The following CTNND2 variants were observed in gnomAD, a reference collection of about 807,000 sequenced individuals.
CTNND2 encodes catenin delta-2.
CTNND2 carries 22 observed loss-of-function variants against 144.4 expected under a neutral mutation model. The ratio of observed to expected loss-of-function variants is 0.15; its 90% CI spans 0.11 to 0.22. CTNND2 has a LOEUF of 0.22. Among genes scored for constraint, CTNND2 ranks in the 10% least tolerant of loss-of-function variants. CTNND2 has a pLI of 1.00. For synonymous variants in CTNND2, 751 were observed against 695.6 expected (o/e 1.08, Z -1.25); for missense variants, 1,353 against 1,618.8 (o/e 0.84, Z 2.82).
intron 9 of CTNND2, among the ~76,000 whole-genome samples, chr5:11,327,060 C>G (rs543112636): frequency 2.6e-5 from 4 of 152,196 alleles, no homozygotes; most frequent in Non-Finnish European, 5.9e-5. Context: ...GACAACCACA[C>G]AGCATGAAGT....
intron 9 of CTNND2, among the ~76,000 whole-genome samples, chr5:11,266,420 C>T (rs933080297): frequency 6.6e-6 from 1 of 152,166 alleles, no homozygotes; most frequent in African/African-American, 2.4e-5. Flanking sequence ...AGTGTCACCA[C>T]ATTTAACTCT....
intron 20 of CTNND2, among the ~76,000 whole-genome samples, chr5:10,985,775 A>T (rs1737860182): frequency 6.6e-6 from 1 of 152,204 alleles, no homozygotes; most frequent in Admixed American, 6.5e-5. Flanking sequence ...AATGATGGGC[A>T]TTTGCTAACA....
At chr5:11,513,121 G>A (rs577518809) in intron 3 of CTNND2, among the ~76,000 whole-genome samples, 2 of 152,290 alleles carry the variant, frequency 1.3e-5, no homozygotes, top group Admixed American at 1.3e-4. Context: ...GCACCCAGGA[G>A]TGGGTACAGG....
intron 11 of CTNND2, among the ~76,000 whole-genome samples, chr5:11,186,420 G>A (rs1173789786): frequency 6.6e-6 from 1 of 152,202 alleles, no homozygotes; most frequent in Non-Finnish European, 1.5e-5. Flanking sequence ...TCTATATCCA[G>A]TGGAAGCGAT....
At chr5:11,608,467 G>C (rs2727601) in intron 2 of CTNND2, among the ~76,000 whole-genome samples, 14,973 of 152,014 alleles carry the variant, frequency 0.098, 1,665 homozygotes, top group African/African-American at 0.28. Context: ...CTCCCAGGTG[G>C]CCTTATCTTT....
At chr5:11,897,582 G>A (rs1431559537) in intron 1 of CTNND2, among the ~76,000 whole-genome samples, 2 of 152,080 alleles carry the variant, frequency 1.3e-5, no homozygotes, top group South Asian at 2.1e-4. Flanking sequence ...CTTACAAAGC[G>A]ATCCAATTAT....
intron 12 of CTNND2, among the ~76,000 whole-genome samples, chr5:11,127,825 T>G (rs956373532): frequency 3.3e-5 from 5 of 152,142 alleles, no homozygotes; most frequent in African/African-American, 1.2e-4. Flanking sequence ...TTTGGACTTT[T>G]GAGCTGAAGA....
rs1405789135 is a variant in CTNND2, at chr5:11,404,599, A to ATTT, written c.439+6936_439+6937insAAA. Among the ~76,000 whole-genome samples, 110 of 32,732 alleles carry ATTT rather than the reference A, an allele frequency of 3.4e-3. 3 individuals carry two copies. The highest frequency in any genetic ancestry group is 8.5e-3 in the Non-Finnish European group (88 of 10,358). 21.5% of individuals were successfully genotyped at this position (32,732 alleles called of 152,430 possible). ...TTGATCAGTATCTGTCAGTATCTGT[A>ATTT]TTCTTTTTTTTTTTTTTTTTTTTTT... On this transcript the variant is annotated intron_variant, in intron 5 of 21. Transcript: ENST00000304623.
At chr5:11,446,583 C>T (rs1367778137) in intron 3 of CTNND2, among the ~76,000 whole-genome samples, 1 of 152,104 alleles carries the variant, frequency 6.6e-6, no homozygotes, top group Non-Finnish European at 1.5e-5. Context: ...TGACTTGGAG[C>T]TGTAAAAACT....
intron 1 of CTNND2, among the ~76,000 whole-genome samples, chr5:11,861,851 T>A (rs1363526907): frequency 6.6e-6 from 1 of 152,220 alleles, no homozygotes; most frequent in African/African-American, 2.4e-5. Context: ...TTCTTGAGTA[T>A]ACTCGGCATT....
At chr5:11,232,752 C>T (rs565497637) in intron 10 of CTNND2, among the ~76,000 whole-genome samples, 244 of 152,184 alleles carry the variant, frequency 1.6e-3, no homozygotes, top group African/African-American at 5.5e-3. Flanking sequence ...AGCATGATTG[C>T]GTTTTAAAAT....
At chr5:11,174,011 G>A (rs921806748) in intron 11 of CTNND2, among the ~76,000 whole-genome samples, 36 of 152,290 alleles carry the variant, frequency 2.4e-4, no homozygotes, top group African/African-American at 7.2e-4. Flanking sequence ...AGAGATGGAC[G>A]TGGTCAAGTC....
intron 15 of CTNND2, chr5:11,083,914 A>G (rs1237934542): frequency 2.6e-6 from 3 of 1,152,456 alleles, no homozygotes; most frequent in Admixed American, 3.7e-5. Flanking sequence ...CTGGCAGTGA[A>G]CGTAGGGCAT....
intron 3 of CTNND2, among the ~76,000 whole-genome samples, chr5:11,457,107 A>G (rs544465139): frequency 6.6e-6 from 1 of 152,282 alleles, no homozygotes; most frequent in African/African-American, 2.4e-5. Flanking sequence ...CTTTTTTATA[A>G]CAAATCTTTG....
At chr5:11,775,060 GC>G (rs1300779816) in intron 1 of CTNND2, among the ~76,000 whole-genome samples, 1 of 152,102 alleles carries the variant, frequency 6.6e-6, no homozygotes, top group Admixed American at 6.6e-5. Flanking sequence ...GGGCGGGGGG[GC>G]GGTGCGGGCA....
intron 12 of CTNND2, among the ~76,000 whole-genome samples, chr5:11,135,449 C>G (rs113940824): frequency 6.6e-6 from 1 of 151,860 alleles, no homozygotes; most frequent in Non-Finnish European, 1.5e-5. Context: ...ACAGAAGAAA[C>G]AGTGGATTCA....
chr5:11,453,673 G>C (rs763917125), intron 3 of CTNND2, among the ~76,000 whole-genome samples: 5 of 152,086 alleles, frequency 3.3e-5, no homozygotes, highest in Non-Finnish European at 5.9e-5. Flanking sequence ...TATCAGCCAT[G>C]ATATATTCCC....
rs186346416 is a variant in CTNND2, at chr5:11,862,392, G to C, written c.37+41425C>G. On this transcript the variant is annotated intron_variant, in intron 1 of 21. Coordinates refer to ENST00000304623, the MANE Select transcript of CTNND2 (RefSeq NM_001332.4). The stretch of plus-strand genomic sequence containing the variant: ...TGGGACGGTTCCCTCTCAAATCTTG[G>C]AATTTGTTCAAGTATGCACTAACAA... 4.6e-5 allele frequency among the ~76,000 whole-genome samples: 7 copies of C among 152,202 alleles called. No individual in the cohort carries two copies. In the East Asian group the frequency reaches 1.4e-3, roughly 29 times the overall value.
chr5:11,782,779 T>A (rs530271590), intron 1 of CTNND2, among the ~76,000 whole-genome samples: 1 of 152,340 alleles, frequency 6.6e-6, no homozygotes, highest in Admixed American at 6.5e-5. Flanking sequence ...CAGATTTCAT[T>A]TCTCATCTAT....
Sources: gnomAD v4.1 joint callset for allele counts (sites outside exome capture counted in the v4.1 genomes callset) on GRCh38, gnomAD v4.1.1 for gene constraint, MANE v1.5 for transcripts, NCBI Gene and HGNC (gene_info 2026-07-23, HGNC 2026-07-21) for gene names.